The following UBE2D2 variants were observed in gnomAD, a reference collection of about 807,000 sequenced individuals.
The protein encoded by UBE2D2 is ubiquitin-conjugating enzyme E2 D2.
UBE2D2 carries 2 observed loss-of-function variants against 24.2 expected under a neutral mutation model. The observed-to-expected ratio is 0.08, with a 90% CI of 0.03 to 0.26. The LOEUF is 0.26. UBE2D2 is among the 10% of genes least tolerant of loss of function. UBE2D2 has a pLI of 1.00. For synonymous variants in UBE2D2, 58 were observed against 56.5 expected (o/e 1.03, Z -0.12); for missense variants, 44 against 177.6 (o/e 0.25, Z 4.28).
intron 1 of UBE2D2, among the ~76,000 whole-genome samples, chr5:139,582,258 C>T (rs1753619174): frequency 6.7e-6 from 1 of 149,124 alleles, no homozygotes; most frequent in Non-Finnish European, 1.5e-5. Context: ...GATTATAGGC[C>T]TTACACAATT....
intron 6 of UBE2D2, among the ~76,000 whole-genome samples, chr5:139,626,543 C>T (rs1754632203): frequency 6.6e-6 from 1 of 152,228 alleles, no homozygotes; most frequent in African/African-American, 2.4e-5. Context: ...TCAGAACCCT[C>T]TATAAGTAGC....
At chr5:139,577,838 G>T (rs1299450212) in intron 1 of UBE2D2, among the ~76,000 whole-genome samples, 1 of 152,168 alleles carries the variant, frequency 6.6e-6, no homozygotes, top group East Asian at 1.9e-4. Flanking sequence ...CTCAAGCTTC[G>T]TACTGCGGTA....
chr5:139,546,206 T>A (rs1349917723), intron 1 of UBE2D2, among the ~76,000 whole-genome samples: 1 of 150,300 alleles, frequency 6.7e-6, no homozygotes, highest in African/African-American at 2.5e-5. Flanking sequence ...ACCATGCCCG[T>A]CTAATTTTTG....
Position 139,616,633 on chromosome 5 carries a change from T to C in UBE2D2, c.304+1667T>C, listed in dbSNP as rs79064694. 5.3e-3 allele frequency among the ~76,000 whole-genome samples: 806 copies of C among 152,310 alleles called. 5 individuals are homozygous for C. Among genetic ancestry groups the C allele is most frequent in the African/African-American group, 0.018 (741 of 41,572 alleles). On this transcript the variant is annotated intron_variant, in intron 5 of 6. Transcript: ENST00000398733. ...AAAACACTAATGAGGTACATTGAAA[T>C]GAACACTCATATTCTTCAAGTAGAG...
intron 1 of UBE2D2, among the ~76,000 whole-genome samples, chr5:139,598,583 T>TG (rs1754006646): frequency 7.5e-6 from 1 of 133,874 alleles, no homozygotes; most frequent in Admixed American, 7.8e-5. Context: ...TTTTTTGAGA[T>TG]GGAGTCTCCC....
intron 1 of UBE2D2, among the ~76,000 whole-genome samples, chr5:139,533,107 CA>C (rs113333733): frequency 3.4e-3 from 420 of 122,122 alleles, no homozygotes; most frequent in Middle Eastern, 4.4e-3. Flanking sequence ...GACTCCATCT[CA>C]AAAAAAAAAA....
intron 1 of UBE2D2, chr5:139,562,328 T>G: frequency 7.4e-7 from 1 of 1,346,952 alleles, no homozygotes; most frequent in Non-Finnish European, 9.8e-7. Context: ...TTCACTTACC[T>G]CTTGGGTGGC....
In UBE2D2 at chr5:139,600,368, G is replaced by C; in HGVS notation, c.25-4G>C. On this transcript the variant is annotated splice_region_variant and splice_polypyrimidine_tract_variant and intron_variant, in intron 1 of 6. Coordinates refer to ENST00000398733, the MANE Select transcript of UBE2D2 (RefSeq NM_003339.3). ...TATATTTCTTTTCTTTCTTTTTTCT[G>C]TAGGAATTGAATGATCTGGCACGGG... 6.2e-7 allele frequency: 1 copy of C among 1,613,744 alleles called. No homozygotes were observed. Among genetic ancestry groups the C allele is most frequent in the Non-Finnish European group, 8.5e-7 (1 of 1,179,918 alleles).
chr5:139,614,024 C>T (rs1017807543), intron 2 of UBE2D2, among the ~76,000 whole-genome samples: 5 of 145,706 alleles, frequency 3.4e-5, no homozygotes, highest in Admixed American at 1.4e-4. Context: ...ATTGCGCCAG[C>T]GCACTCCAGC....
At chr5:139,569,727 C>G (rs1343100765) in intron 1 of UBE2D2, among the ~76,000 whole-genome samples, 1 of 152,076 alleles carries the variant, frequency 6.6e-6, no homozygotes, top group Non-Finnish European at 1.5e-5. Context: ...CTGGAAAGGC[C>G]GTGTGACCTA....
intron 1 of UBE2D2, among the ~76,000 whole-genome samples, chr5:139,537,895 C>T (rs1432133731): frequency 2.0e-5 from 3 of 150,454 alleles, no homozygotes; most frequent in African/African-American, 4.9e-5. Context: ...ACCCGGGAGG[C>T]GGAGCTTGCA....
intron 2 of UBE2D2, among the ~76,000 whole-genome samples, chr5:139,604,018 A>C (rs1754139667): frequency 6.6e-6 from 1 of 152,228 alleles, no homozygotes; most frequent in Admixed American, 6.6e-5. Flanking sequence ...AGACTTCATC[A>C]AAATTAAATA....
At chr5:139,553,939 C>T (rs1217476306) in intron 1 of UBE2D2, among the ~76,000 whole-genome samples, 1 of 152,122 alleles carries the variant, frequency 6.6e-6, no homozygotes, top group East Asian at 1.9e-4. Flanking sequence ...GCCACCACGC[C>T]TGGCTAATTT....
chr5:139,613,338 C>T (rs1754360616), intron 2 of UBE2D2, among the ~76,000 whole-genome samples: 1 of 152,116 alleles, frequency 6.6e-6, no homozygotes, highest in Admixed American at 6.6e-5. Flanking sequence ...AAATATAACC[C>T]CAGTGACAAC....
Position 139,625,913 on chromosome 5 carries a change from G to A in UBE2D2, c.399-843G>A, listed in dbSNP as rs544482428. Among the ~76,000 whole-genome samples the A allele has an allele frequency of 2.6e-5, 4 of 151,552 alleles. No homozygotes were observed. In the East Asian group the frequency reaches 5.9e-4, roughly 22 times the overall value. On this transcript the variant is annotated intron_variant, in intron 6 of 6. Transcript: ENST00000398733. ...AGCCACCACACCCGGCCTAGCACCC[G>A]TTTTTTAATAGGAGAATTATAGAAT...
intron 1 of UBE2D2, among the ~76,000 whole-genome samples, chr5:139,596,751 T>C (rs1753967661): frequency 6.6e-6 from 1 of 151,060 alleles, no homozygotes; most frequent in Admixed American, 6.6e-5. Flanking sequence ...AAAATAATAA[T>C]AATAATAATA....
At chr5:139,589,274 A>AG (rs1753793643) in intron 1 of UBE2D2, among the ~76,000 whole-genome samples, 1 of 152,010 alleles carries the variant, frequency 6.6e-6, no homozygotes, top group Admixed American at 6.6e-5. Flanking sequence ...GAAAAAAAAA[A>AG]TAGCCCGGGC....
chr5:139,590,443 T>TAAAAAAAAAA (rs1035963843), intron 1 of UBE2D2, among the ~76,000 whole-genome samples: 5 of 94,984 alleles, frequency 5.3e-5, no homozygotes, highest in Admixed American at 1.1e-4. Flanking sequence ...TCAAAAAAAA[T>TAAAAAAAAAA]AAAAAAAAAA....
At chr5:139,550,528 G>T (rs746418469) in intron 1 of UBE2D2, among the ~76,000 whole-genome samples, 1 of 152,128 alleles carries the variant, frequency 6.6e-6, no homozygotes, top group Non-Finnish European at 1.5e-5. Context: ...GGCTGCCTGC[G>T]CTAGTAGTGG....
Sources: gnomAD v4.1 joint callset for allele counts (sites outside exome capture counted in the v4.1 genomes callset) on GRCh38, gnomAD v4.1.1 for gene constraint, MANE v1.5 for transcripts, NCBI Gene and HGNC (gene_info 2026-07-23, HGNC 2026-07-21) for gene names.